Variants in CSMD1 observed in about 807,000 individuals in gnomAD.
CSMD1 encodes CUB and Sushi multiple domains 1.
CSMD1 carries 213 observed loss-of-function variants against 417.5 expected under a neutral mutation model. The observed-to-expected ratio is 0.51, with a 90% CI of 0.46 to 0.57. The LOEUF (loss-of-function observed/expected upper bound fraction) is 0.57, where lower values mean the gene tolerates loss of function less well. Ranked by LOEUF, CSMD1 falls within the 20% of genes least tolerant of loss-of-function variation. The probability of loss-of-function intolerance (pLI) is 0.00; values close to 1 mark genes in which losing one functional copy is unlikely to be tolerated. For synonymous variants in CSMD1, 2,862 were observed against 1,736.8 expected (o/e 1.65, Z -16.11); for missense variants, 6,923 against 4,529.7 (o/e 1.53, Z -15.17).
At chr8:3,991,140 C>T (rs1478492514) in intron 5 of CSMD1, among the ~76,000 whole-genome samples, 3 of 152,198 alleles carry the variant, frequency 2.0e-5, no homozygotes, top group Non-Finnish European at 4.4e-5. Context: ...GGAAATTGGC[C>T]CCACAGTAGA....
intron 5 of CSMD1, among the ~76,000 whole-genome samples, chr8:3,769,123 C>G (rs772494187): frequency 6.6e-6 from 1 of 152,206 alleles, no homozygotes; most frequent in African/African-American, 2.4e-5. Flanking sequence ...TTATTAGTTA[C>G]TATACAGTTA....
intron 2 of CSMD1, among the ~76,000 whole-genome samples, chr8:4,516,893 T>C (rs1031499093): frequency 2.0e-5 from 3 of 152,094 alleles, no homozygotes; most frequent in African/African-American, 4.8e-5. Context: ...ACAAATATAA[T>C]ATAATATTTT....
At chr8:3,564,463 G>C (rs1452883133) in intron 10 of CSMD1, among the ~76,000 whole-genome samples, 1 of 151,248 alleles carries the variant, frequency 6.6e-6, no homozygotes, top group African/African-American at 2.4e-5. Context: ...AACACTTTAC[G>C]TTGTACACTG....
chr8:3,917,610 T>A (rs1014950904), intron 5 of CSMD1, among the ~76,000 whole-genome samples: 5 of 26,028 alleles, frequency 1.9e-4, no homozygotes, highest in Non-Finnish European at 4.5e-4. Flanking sequence ...GGCTTCATAT[T>A]TATATTTTAC....
chr8:3,842,218 T>C (rs1803183737), intron 5 of CSMD1, among the ~76,000 whole-genome samples: 1 of 152,150 alleles, frequency 6.6e-6, no homozygotes, highest in Non-Finnish European at 1.5e-5. Flanking sequence ...AAGCCTCTTG[T>C]AGAATCATCT....
At chr8:3,700,406 A>G (rs979739189) in intron 7 of CSMD1, 3 of 152,196 alleles carry the variant, frequency 2.0e-5, no homozygotes, top group East Asian at 3.9e-4. Flanking sequence ...ACATACACGT[A>G]TATGTATATG....
chr8:4,830,821 C>G (rs1320885420), intron 1 of CSMD1, among the ~76,000 whole-genome samples: 1 of 151,852 alleles, frequency 6.6e-6, no homozygotes, highest in African/African-American at 2.4e-5. Flanking sequence ...GTGGAATGAG[C>G]AGGGAAAGAA....
intron 2 of CSMD1, among the ~76,000 whole-genome samples, chr8:4,573,591 T>C (rs1173803077): frequency 1.3e-5 from 2 of 151,936 alleles, no homozygotes; most frequent in Non-Finnish European, 2.9e-5. Flanking sequence ...AGTCAGGAGG[T>C]ATGGGGGTCA....
intron 3 of CSMD1, among the ~76,000 whole-genome samples, chr8:4,220,044 G>A (rs1350564599): frequency 6.6e-6 from 1 of 152,074 alleles, no homozygotes; most frequent in Non-Finnish European, 1.5e-5. Context: ...CTGCCTCTCA[G>A]GTTTAAGCAA....
At chr8:3,221,655 T>C (rs1021499956) in intron 28 of CSMD1, among the ~76,000 whole-genome samples, 11 of 152,134 alleles carry the variant, frequency 7.2e-5, no homozygotes, top group African/African-American at 2.4e-4. Flanking sequence ...TTTGGCTCCT[T>C]TGGAGAACTC....
Position 3,219,283 on chromosome 8 carries a change from G to A in CSMD1, c.4644C>T (p.Gly1548=). 2 of 1,594,504 alleles carry A rather than the reference G, an allele frequency of 1.3e-6. No homozygotes were observed. The highest frequency in any genetic ancestry group is 1.7e-6 in the Non-Finnish European group (2 of 1,169,638). ...TAAATTCAATGGCGAACCCTGAAAG[G>A]CCCACGGAGGCATCACTCCGAAATG... The part of the protein sequence containing the change: ...FLAFRSDASV[G]LSGFAIEFKE... Residue 1548 remains glycine, a synonymous_variant, in exon 29 of 70, where the codon GGC becomes GGT. Coordinates refer to ENST00000635120, the MANE Select transcript of CSMD1 (RefSeq NM_033225.6).
At chr8:3,116,380 C>G (rs1489936891) in intron 42 of CSMD1, among the ~76,000 whole-genome samples, 1 of 152,120 alleles carries the variant, frequency 6.6e-6, no homozygotes, top group Non-Finnish European at 1.5e-5. Context: ...GTGGCATCCT[C>G]CTGGACTCTG....
intron 5 of CSMD1, among the ~76,000 whole-genome samples, chr8:3,997,589 A>C (rs953029917): frequency 1.1e-4 from 16 of 152,334 alleles, no homozygotes; most frequent in Admixed American, 9.1e-4. Context: ...GCTCACAGTG[A>C]AACAGCTTCA....
intron 2 of CSMD1, among the ~76,000 whole-genome samples, chr8:4,429,869 A>C (rs1047110394): frequency 7.2e-5 from 11 of 152,226 alleles, no homozygotes; most frequent in Admixed American, 1.3e-4. Context: ...AGTTCTATGA[A>C]ATGAGGGAAT....
intron 3 of CSMD1, among the ~76,000 whole-genome samples, chr8:4,034,327 T>C (rs1050618777): frequency 6.6e-6 from 1 of 152,236 alleles, no homozygotes; most frequent in African/African-American, 2.4e-5. Context: ...ATTTACATAG[T>C]CAAAGTGTAT....
At chr8:3,763,375 G>A (rs7830762) in intron 5 of CSMD1, among the ~76,000 whole-genome samples, 7,939 of 152,170 alleles carry the variant, frequency 0.052, 759 homozygotes, top group African/African-American at 0.18. Context: ...TGAATGGCTG[G>A]TGCCTTCCCC....
intron 3 of CSMD1, among the ~76,000 whole-genome samples, chr8:4,199,346 C>G (rs1464863397): frequency 6.6e-6 from 1 of 152,134 alleles, no homozygotes; most frequent in Non-Finnish European, 1.5e-5. Context: ...AAGTCTACCT[C>G]TAAAGCACAT....
chr8:3,547,421 T>G (rs10094438), intron 10 of CSMD1, among the ~76,000 whole-genome samples: 1 of 152,022 alleles, frequency 6.6e-6, no homozygotes, highest in African/African-American at 2.4e-5. Context: ...AAAACACTAC[T>G]TCTTGTACAT....
chr8:4,944,585 A>G (rs1808237824), intron 1 of CSMD1, among the ~76,000 whole-genome samples: 2 of 152,244 alleles, frequency 1.3e-5, no homozygotes, highest in Admixed American at 6.5e-5. Context: ...TAAATACACA[A>G]GAAATAAATT....
Sources: allele counts gnomAD v4.1 joint callset (sites outside exome capture counted in the v4.1 genomes callset), GRCh38; gene constraint gnomAD v4.1.1; transcripts MANE v1.5; gene names NCBI Gene and HGNC (gene_info 2026-07-23, HGNC 2026-07-21).